Variants in GAD1 observed in about 807,000 individuals in gnomAD.
GAD1 encodes the protein 67 kDa glutamic acid decarboxylase.
GAD1 carries 35 observed loss-of-function variants against 75.2 expected under a neutral mutation model. The observed-to-expected ratio is 0.47, with a 90% CI of 0.36 to 0.62. GAD1 has a LOEUF of 0.62. Among genes scored for constraint, GAD1 ranks in the 20% least tolerant of loss-of-function variants. GAD1 has a pLI of 0.00. For synonymous variants in GAD1, 257 were observed against 271.9 expected, an observed-to-expected ratio of 0.95 and a Z score of 0.54; for missense variants, 490 against 758.5, an observed-to-expected ratio of 0.65 and a Z score of 4.16.
chr2:170,826,885 C>T (rs1054264225), intron 3 of GAD1, among the ~76,000 whole-genome samples: 5 of 152,186 alleles, frequency 3.3e-5, no homozygotes, highest in African/African-American at 9.7e-5. Flanking sequence ...GCCATCTGAT[C>T]CTGCATCCCT....
At chr2:170,832,609 A>G (rs934887398) in intron 5 of GAD1, among the ~76,000 whole-genome samples, 1 of 152,160 alleles carries the variant, frequency 6.6e-6, no homozygotes, top group Non-Finnish European at 1.5e-5. Flanking sequence ...GCTAGGCCAA[A>G]AAGACACATG....
chr2:170,840,782 C>G (rs1176615699), intron 6 of GAD1, among the ~76,000 whole-genome samples: 1 of 152,012 alleles, frequency 6.6e-6, no homozygotes, highest in Admixed American at 6.6e-5. Flanking sequence ...TTAGCCAGAA[C>G]TTAGTCCAAG....
chr2:170,840,739 C>G (rs1235385715), intron 6 of GAD1, among the ~76,000 whole-genome samples: 3 of 151,758 alleles, frequency 2.0e-5, no homozygotes, highest in Non-Finnish European at 2.9e-5. Context: ...AAAAAACCTT[C>G]TCAGAGGTCT....
chr2:170,852,706 T>A lies in GAD1; in HGVS notation c.1185-8T>A. On this transcript the variant is annotated splice_region_variant and splice_polypyrimidine_tract_variant and intron_variant, in intron 12 of 16. Transcript: ENST00000358196. ...GCACCTTCTCGAAGTCTCATGTGCT[T>A]CTTTCAGGGCCAACTCAGTCACCTG... 6.2e-7 allele frequency: 1 copy of A among 1,613,980 alleles called. No homozygotes were observed. Among genetic ancestry groups the A allele is most frequent in the Non-Finnish European group, 8.5e-7 (1 of 1,179,816 alleles).
chr2:170,816,446 C>A (rs1701698725), upstream of GAD1: 1 of 152,108 alleles, frequency 6.6e-6, no homozygotes, highest in South Asian at 2.1e-4. Context: ...TCTGGGGGAA[C>A]CCCGGGGAAA....
intron 5 of GAD1, among the ~76,000 whole-genome samples, chr2:170,834,282 T>C (rs1025082863): frequency 5.3e-5 from 8 of 152,146 alleles, no homozygotes; most frequent in Non-Finnish European, 8.8e-5. Flanking sequence ...AGCAATAGGG[T>C]AAACCCCACA....
At chr2:170,824,814 G>A (rs1454536808) in intron 3 of GAD1, among the ~76,000 whole-genome samples, 2 of 152,106 alleles carry the variant, frequency 1.3e-5, no homozygotes, top group Non-Finnish European at 2.9e-5. Flanking sequence ...TGAGTTGCAG[G>A]GATCCCTAAG....
chr2:170,858,168 G>A (rs1488598736), intron 15 of GAD1, among the ~76,000 whole-genome samples: 1 of 152,060 alleles, frequency 6.6e-6, no homozygotes, highest in African/African-American at 2.4e-5. Context: ...CCAATTAGAG[G>A]CAGGCACAGT....
intron 15 of GAD1, among the ~76,000 whole-genome samples, chr2:170,857,465 G>T (rs1702875391): frequency 6.6e-6 from 1 of 152,026 alleles, no homozygotes; most frequent in African/African-American, 2.4e-5. Context: ...TGTTTTTCAG[G>T]CTGGGCATGG....
At chr2:170,852,653 A>C in intron 12 of GAD1, 61 bp from the exon 13 acceptor site, 2 of 1,426,202 alleles carry the variant, frequency 1.4e-6, no homozygotes, top group Non-Finnish European at 2.0e-6. Context: ...GTTTTCCTCA[A>C]GAGAACAGTT....
At chr2:170,856,600 CTG>C in intron 14 of GAD1, among the ~76,000 whole-genome samples, 1 of 152,226 alleles carries the variant, frequency 6.6e-6, no homozygotes, top group Non-Finnish European at 1.5e-5. Context: ...GAACAAGCCA[CTG>C]TTTTTTATTA....
chr2:170,822,856 C>T (rs915067311), intron 3 of GAD1, among the ~76,000 whole-genome samples: 1 of 152,078 alleles, frequency 6.6e-6, no homozygotes. Flanking sequence ...GGAAAGGGGA[C>T]GAGCAGGGAC....
At chr2:170,850,055 A>C (rs1316761839) in intron 12 of GAD1, among the ~76,000 whole-genome samples, 4 of 152,258 alleles carry the variant, frequency 2.6e-5, no homozygotes, top group African/African-American at 9.6e-5. Context: ...GTATTTACTG[A>C]GCACCTATCA....
At chr2:170,849,543 A>G (rs1405532189) in intron 12 of GAD1, among the ~76,000 whole-genome samples, 193 bp downstream of exon 12, 2 of 152,204 alleles carry the variant, frequency 1.3e-5, no homozygotes, top group Non-Finnish European at 2.9e-5. Context: ...GAAGGAGTTC[A>G]CAATTTAGAA....
chr2:170,818,943 A>G lies in GAD1; in HGVS notation c.82+270A>G, dbSNP rs1002674536. 6.6e-6 allele frequency among the ~76,000 whole-genome samples: 1 copy of G among 152,108 alleles called. No individual in the cohort carries two copies. Among genetic ancestry groups the G allele is most frequent in the African/African-American group, 2.4e-5 (1 of 41,430 alleles). On this transcript the variant is annotated intron_variant, in intron 2 of 16. Coordinates refer to ENST00000358196, the MANE Select transcript of GAD1 (RefSeq NM_000817.3). This position sits in a 1 kb window ranked among gnomAD's most constrained non-coding sequence, Gnocchi z 5.9. ...CGCGGAGGAGGAGGGGCGCGCAGCCAGGGTGTTGTTTTTATTCTGTTGTGT... is the reference window on the plus strand; with the variant it reads ...CGCGGAGGAGGAGGGGCGCGCAGCCGGGGTGTTGTTTTTATTCTGTTGTGT...
chr2:170,830,988 C>T lies in GAD1; in HGVS notation c.343C>T (p.Gln115Ter). 1 of 1,614,184 alleles carries T rather than the reference C, an allele frequency of 6.2e-7. No homozygotes were observed. ...TAAGAACGGTGAGGAGCAAACCGTG[C>T]AATTCCTCCTGGAAGTGGTGGACAT... ...PAKNGEEQTV[Q>*]FLLEVVDILL... Residue 115 changes from glutamine (Q) to a stop codon, truncating the protein, a stop_gained, in exon 5 of 17, where the codon CAA becomes TAA. Transcript: ENST00000358196. LOFTEE classifies it high-confidence loss of function.
rs771436255 is a variant in GAD1, at chr2:170,834,707, C to A, written c.548-2086C>A. ...TGTACCGCCATCCATTCCCCATCACCTACATTACATGAAAGCAAATCCCCA... is the reference window on the plus strand; with the variant it reads ...TGTACCGCCATCCATTCCCCATCACATACATTACATGAAAGCAAATCCCCA... On this transcript the variant is annotated intron_variant, in intron 5 of 16. Transcript: ENST00000358196. Among the ~76,000 whole-genome samples the A allele has an allele frequency of 5.5e-4, 84 of 152,090 alleles. 1 individual carries two copies. Among genetic ancestry groups the A allele is most frequent in the Non-Finnish European group, 7.1e-4 (48 of 68,026 alleles).
rs2105801878 is a variant in GAD1 at position 170,847,708 on chromosome 2, T to G, written c.1035T>G (p.Ala345=). Residue 345 remains alanine, a synonymous_variant, in exon 11 of 17, where the codon GCT becomes GCG. Transcript: ENST00000358196. ...TTCCCTTTTATGTCAATGCAACTGC[T>G]GGCACGACTGTTTATGGAGCTTTTG... ...GYVPFYVNAT[A]GTTVYGAFDP... 1 of 1,614,140 alleles carries G rather than the reference T, an allele frequency of 6.2e-7. No individual in the cohort carries two copies. The highest frequency in any genetic ancestry group is 2.2e-5 in the East Asian group (1 of 44,894).
At chr2:170,854,400 T>C (rs1702807704) in intron 14 of GAD1, among the ~76,000 whole-genome samples, 1 of 143,250 alleles carries the variant, frequency 7.0e-6, no homozygotes, top group African/African-American at 2.6e-5. Flanking sequence ...TTGAATTCTT[T>C]TTTTTTTTTT....
Sources: gnomAD v4.1 joint callset for allele counts (sites outside exome capture counted in the v4.1 genomes callset) on GRCh38, gnomAD v4.1.1 for gene constraint, Gnocchi (gnomAD v3.1) non-coding constraint, MANE v1.5 for transcripts, NCBI Gene and HGNC (gene_info 2026-07-23, HGNC 2026-07-21) for gene names.